The following LRP1 variants were observed in gnomAD, a reference collection of about 807,000 sequenced individuals.
LRP1 encodes LDL receptor related protein 1, also known as prolow-density lipoprotein receptor-related protein 1.
In LRP1, 51 loss-of-function variants were observed where a neutral mutation model predicts 541.5. That is an observed-to-expected ratio of 0.09 (90% CI 0.08 to 0.12). The LOEUF (loss-of-function observed/expected upper bound fraction) is 0.12, where lower values mean the gene tolerates loss of function less well. Ranked by LOEUF, LRP1 falls within the 10% of genes least tolerant of loss-of-function variation. The pLI, the probability that LRP1 is intolerant of heterozygous loss-of-function variation, is 1.00. For synonymous variants in LRP1, 2,219 were observed against 2,470.8 expected (o/e 0.90, Z 3.02); for missense variants, 3,878 against 6,376.2 (o/e 0.61, Z 13.34).
intron 1 of LRP1, among the ~76,000 whole-genome samples, chr12:57,136,108 A>T (rs1281898897): frequency 6.6e-6 from 1 of 152,232 alleles, no homozygotes; most frequent in Non-Finnish European, 1.5e-5. Flanking sequence ...GTTCTCCGGC[A>T]TGCTAACTAG....
At chr12:57,191,739 TACACATACACCCCCA>T (rs2036386967) in intron 44 of LRP1, among the ~76,000 whole-genome samples, 1 of 15,610 alleles carries the variant, frequency 6.4e-5, no homozygotes, top group Non-Finnish European at 1.5e-4. Flanking sequence ...ACACACCACA[TACACATACACCCCCA>T]ACACATACAC....
At chr12:57,181,785 G>C (rs762318498) in intron 34 of LRP1, among the ~76,000 whole-genome samples, 7 of 152,172 alleles carry the variant, frequency 4.6e-5, no homozygotes, top group Non-Finnish European at 7.3e-5. Flanking sequence ...GCCATTAGGA[G>C]TAATCAGAGT....
intron 1 of LRP1, among the ~76,000 whole-genome samples, chr12:57,133,641 C>T (rs2035088271): frequency 6.8e-6 from 1 of 146,170 alleles, no homozygotes; most frequent in South Asian, 2.4e-4. Flanking sequence ...CCCCACCCCC[C>T]GCACCTTGAG....
Position 57,161,072 on chromosome 12 carries a change from A to G in LRP1, c.2159A>G (p.Tyr720Cys). Reference protein sequence around the residue: ...AGRLYWVDAFYDRIETILLNG... With the variant: ...AGRLYWVDAFCDRIETILLNG... Reference sequence around the variant, plus strand: ...CGCCTCTACTGGGTGGATGCCTTCTACGACCGCATCGAGACGATACTGCTC... The same window carrying G: ...CGCCTCTACTGGGTGGATGCCTTCTGCGACCGCATCGAGACGATACTGCTC... Residue 720 changes from tyrosine (Y) to cysteine (C), a missense_variant, in exon 13 of 89, where the codon TAC becomes TGC. By Grantham distance (194) the Tyr-to-Cys change is radical. This residue lies in a region of LRP1 where 496 missense variants were observed against 861.0 expected (regional missense o/e 0.58). Transcript: ENST00000243077. 6.2e-7 allele frequency: 1 copy of G among 1,613,826 alleles called. No individual in the cohort carries two copies. Among genetic ancestry groups the G allele is most frequent in the Non-Finnish European group, 8.5e-7 (1 of 1,180,026 alleles).
In LRP1 at chr12:57,212,784, G is replaced by A; in HGVS notation, c.*229G>A. The stretch of plus-strand genomic sequence containing the variant: ...GGCACCCCCATGCTGCCTTCAGGGA[G>A]ACAGGCAGGGAGGGCTTGGGGCTGC... On this transcript the variant is annotated 3_prime_UTR_variant, in exon 89 of 89. Coordinates refer to ENST00000243077, the MANE Select transcript of LRP1 (RefSeq NM_002332.3). This position sits in a 1 kb window ranked among gnomAD's most constrained non-coding sequence, Gnocchi z 5.0. The A allele has an allele frequency of 5.8e-6, 3 of 516,198 alleles. No homozygotes were observed. In the South Asian group the frequency reaches 7.1e-5, roughly 12 times the overall value. 32.0% of individuals were successfully genotyped at this position (516,198 alleles called of 1,614,324 possible). A position where few individuals can be genotyped will look rare whatever the true frequency, so the allele number is the denominator to read the frequency against.
chr12:57,141,268 C>T, intron 2 of LRP1, 106 bp from the exon 3 acceptor site: 1 of 1,366,630 alleles, frequency 7.3e-7, no homozygotes, highest in Non-Finnish European at 1.0e-6. Context: ...CCGAGGCCTC[C>T]TGAGATCTGA....
intron 44 of LRP1, 48 bp downstream of exon 44, chr12:57,191,560 T>A (rs776467720): frequency 2.6e-6 from 4 of 1,524,468 alleles, no homozygotes; most frequent in Non-Finnish European, 3.5e-6. Flanking sequence ...CTGTCGTGCA[T>A]GGACATACAA....
At position 57,193,989 on chromosome 12, in the gene LRP1, A is replaced by T; in HGVS notation, c.7895A>T (p.Asp2632Val). Residue 2632 changes from aspartate (D) to valine (V), a missense_variant, in exon 48 of 89, where the codon GAC (aspartate) becomes GTC (valine). By Grantham distance (152) the Asp-to-Val change is radical (BLOSUM62 -3). Around this residue, in one of 13 missense-constraint regions of LRP1, gnomAD observed 1,100 missense variants for 1,827.4 expected, o/e 0.60. Coordinates refer to ENST00000243077, the MANE Select transcript of LRP1 (RefSeq NM_002332.3). ...TGCAACCAGTTTGTGGATTGTGAGG[A>T]CGCCTCAGATGAGATGAACTGCAGT... The part of the protein sequence containing the change: ...SRCNQFVDCE[D>V]ASDEMNCSAT... The T allele has an allele frequency of 6.2e-7, 1 of 1,614,158 alleles. No individual in the cohort carries two copies. The highest frequency in any genetic ancestry group is 8.5e-7 in the Non-Finnish European group (1 of 1,180,022).
intron 24 of LRP1, 67 bp from the exon 25 acceptor site, chr12:57,176,974 A>G: frequency 7.1e-7 from 1 of 1,416,414 alleles, no homozygotes; most frequent in South Asian, 1.2e-5. Flanking sequence ...GAGGGCTCCC[A>G]GGATTTCACA....
chr12:57,187,431 G>A lies in LRP1; in HGVS notation c.7006G>A (p.Ala2336Thr). 1 of 1,613,870 alleles carries A rather than the reference G, an allele frequency of 6.2e-7. No homozygotes were observed. Among genetic ancestry groups the A allele is most frequent in the Non-Finnish European group, 8.5e-7 (1 of 1,179,908 alleles). The change falls in exon 42 of 89, where the codon GCC (alanine) becomes ACC (threonine). Residue 2336 changes from alanine to threonine, a missense_variant. Ala to Thr is a moderately conservative substitution (Grantham distance 58). This residue lies in a region of LRP1 where 1,100 missense variants were observed against 1,827.4 expected (regional missense o/e 0.60). Transcript: ENST00000243077. ...TATGTCTGGAGATGACCACCCACGG[G>A]CCTTCGTTTTGGACGAGTGCCAGAA... The part of the protein sequence containing the change: ...ITMSGDDHPR[A>T]FVLDECQNLM...
At chr12:57,142,756 A>G (rs2035319464) in intron 3 of LRP1, among the ~76,000 whole-genome samples, 3 of 152,112 alleles carry the variant, frequency 2.0e-5, no homozygotes, top group Non-Finnish European at 4.4e-5. Context: ...AGAGCAAATG[A>G]TATTTTCCCC....
intron 43 of LRP1, 50 bp from the exon 44 acceptor site, chr12:57,191,270 G>T (rs1397916176): frequency 1.3e-6 from 2 of 1,531,254 alleles, no homozygotes; most frequent in African/African-American, 1.4e-5. Context: ...GGTGGAGACT[G>T]GGCAAGAGGC....
intron 2 of LRP1, 40 bp downstream of exon 2, chr12:57,138,621 C>G: frequency 6.2e-7 from 1 of 1,607,884 alleles, no homozygotes; most frequent in South Asian, 1.1e-5. Context: ...AAACCCTTAA[C>G]TTATCCCTCT....
Position 57,184,549 on chromosome 12 carries a change from G to T in LRP1, c.6186+97G>T. On this transcript the variant is annotated intron_variant, in intron 38 of 88. Transcript: ENST00000243077. This position sits in a 1 kb window ranked among gnomAD's most constrained non-coding sequence, Gnocchi z 7.8. Reference sequence around the variant, plus strand: ...CCATTCTGGGAGGACTTGGAGCCCAGGGGAAGTCACAGGGTCTCCCAGCCC... The same window carrying T: ...CCATTCTGGGAGGACTTGGAGCCCATGGGAAGTCACAGGGTCTCCCAGCCC... 6.5e-7 allele frequency: 1 copy of T among 1,528,642 alleles called. No individual in the cohort carries two copies. 94.7% of individuals were successfully genotyped at this position (1,528,642 alleles called of 1,614,324 possible).
Position 57,184,489 on chromosome 12 carries a change from A to T in LRP1, c.6186+37A>T. The stretch of plus-strand genomic sequence containing the variant: ...AACTTGGCCTTGGATCCGATGGTAG[A>T]CCCCTGACCCAGGCTCCTGTTCCCT... On this transcript the variant is annotated intron_variant, in intron 38 of 88. Coordinates refer to ENST00000243077, the MANE Select transcript of LRP1 (RefSeq NM_002332.3). The surrounding 1 kb of genome is among the most constrained non-coding windows in gnomAD (Gnocchi z 7.8). The T allele has an allele frequency of 6.2e-7, 1 of 1,612,934 alleles. No homozygotes were observed. Among genetic ancestry groups the T allele is most frequent in the Non-Finnish European group, 8.5e-7 (1 of 1,179,584 alleles).
chr12:57,208,189 A>G lies in LRP1; in HGVS notation c.12011A>G (p.His4004Arg). Residue 4004 changes from histidine to arginine, a missense_variant, in exon 77 of 89, where the codon CAC (histidine) becomes CGC (arginine). His to Arg is a conservative substitution (Grantham distance 29, BLOSUM62 0). This residue lies in a region of LRP1 where 871 missense variants were observed against 1,212.4 expected (regional missense o/e 0.72). Transcript: ENST00000243077. Reference sequence around the variant, plus strand: ...ATCTCGGGCATGATTGACGAGCCCCACGCCATTGTGGTGGACCCACTGAGG... The same window carrying G: ...ATCTCGGGCATGATTGACGAGCCCCGCGCCATTGTGGTGGACCCACTGAGG... ...TLISGMIDEP[H>R]AIVVDPLRGT... 2 of 1,613,878 alleles carry G rather than the reference A, an allele frequency of 1.2e-6. No homozygotes were observed. Among genetic ancestry groups the G allele is most frequent in the Non-Finnish European group, 1.7e-6 (2 of 1,179,910 alleles).
chr12:57,139,771 A>G (rs1007443304), intron 2 of LRP1, among the ~76,000 whole-genome samples: 1 of 152,188 alleles, frequency 6.6e-6, no homozygotes, highest in Non-Finnish European at 1.5e-5. Context: ...AACACACTCT[A>G]TACTCAGAGA....
chr12:57,138,128 G>A (rs2035212628), intron 1 of LRP1, among the ~76,000 whole-genome samples: 1 of 152,166 alleles, frequency 6.6e-6, no homozygotes, highest in Non-Finnish European at 1.5e-5. Context: ...CCATCACTCT[G>A]TCATCAAAGC....
chr12:57,207,802 T>C (rs1206948798), intron 76 of LRP1, among the ~76,000 whole-genome samples: 1 of 152,242 alleles, frequency 6.6e-6, no homozygotes, highest in African/African-American at 2.4e-5. Context: ...GGTTTCACTT[T>C]GTTTATCAAT....
Sources: gnomAD v4.1 joint callset for allele counts (sites outside exome capture counted in the v4.1 genomes callset) on GRCh38, gnomAD v4.1.1 for gene constraint, gnomAD v4.1.1 regional missense constraint, Gnocchi (gnomAD v3.1) non-coding constraint, MANE v1.5 for transcripts, NCBI Gene and HGNC (gene_info 2026-07-23, HGNC 2026-07-21) for gene names.